Variants in SVEP1 observed in about 807,000 individuals in gnomAD.
SVEP1 encodes sushi, von Willebrand factor type A, EGF and pentraxin domain-containing protein 1.
Under a neutral mutation model 367.3 loss-of-function variants are expected in SVEP1, and 164 were observed. That is an observed-to-expected ratio of 0.45 (90% CI 0.39 to 0.51). The LOEUF is 0.51. SVEP1 is among the 20% of genes least tolerant of loss of function. The pLI is 0.00. For synonymous variants in SVEP1, 1,666 were observed against 1,611.6 expected (o/e 1.03, Z -0.81); for missense variants, 4,117 against 4,425.3 (o/e 0.93, Z 1.98).
intron 6 of SVEP1, among the ~76,000 whole-genome samples, chr9:110,500,968 C>T (rs1447185774): frequency 1.3e-5 from 2 of 151,364 alleles, no homozygotes; most frequent in African/African-American, 4.8e-5. Flanking sequence ...CCCTTTTAAG[C>T]TATTGAATGA....
chr9:110,408,869 A>G lies in SVEP1; in HGVS notation c.6731T>C (p.Val2244Ala). ...GYKSVGSPVFVCQANRHWHSE... is the reference protein window; with the variant it reads ...GYKSVGSPVFACQANRHWHSE... ...GTGCCAGTGGCGATTGGCTTGGCAG[A>G]CAAATACAGGACTTCCGACTGACTT... Residue 2244 changes from valine to alanine, a missense_variant, in exon 38 of 48, where the codon GTC becomes GCC. This residue lies in a region of SVEP1 where 1,765 missense variants were observed against 1,781.1 expected (regional missense o/e 0.99). Transcript: ENST00000374469. The G allele has an allele frequency of 6.2e-7, 1 of 1,613,678 alleles. No individual in the cohort carries two copies. The highest frequency in any genetic ancestry group is 8.5e-7 in the Non-Finnish European group (1 of 1,179,862).
chr9:110,423,924 T>C (rs1828213766), intron 36 of SVEP1, among the ~76,000 whole-genome samples: 1 of 152,228 alleles, frequency 6.6e-6, no homozygotes, highest in Non-Finnish European at 1.5e-5. Context: ...CTTAAAGTAA[T>C]TTCTGGGAAG....
intron 45 of SVEP1, among the ~76,000 whole-genome samples, chr9:110,375,892 CAG>C (rs1473162860): frequency 6.7e-6 from 1 of 148,710 alleles, no homozygotes; most frequent in Non-Finnish European, 1.5e-5. Context: ...GAATGGGAAT[CAG>C]ATAGGCTGTA....
chr9:110,435,881 G>GAAACTTATATTTTATAGATAAGA (rs1564142301), intron 28 of SVEP1, among the ~76,000 whole-genome samples: 1 of 152,126 alleles, frequency 6.6e-6, no homozygotes, highest in Admixed American at 6.5e-5. Flanking sequence ...TAAGAAAACT[G>GAAACTTATATTTTATAGATAAGA]AAACTCAGTG....
chr9:110,531,468 A>T (rs1830017158), intron 3 of SVEP1, among the ~76,000 whole-genome samples: 1 of 152,088 alleles, frequency 6.6e-6, no homozygotes, highest in Non-Finnish European at 1.5e-5. Context: ...GTGAGTTCTC[A>T]TGAGATCTGA....
chr9:110,500,756 T>C (rs577775376), intron 6 of SVEP1, among the ~76,000 whole-genome samples: 1 of 152,130 alleles, frequency 6.6e-6, no homozygotes, highest in East Asian at 1.9e-4. Flanking sequence ...ACTTCCTTAA[T>C]TGTAATCTGT....
At chr9:110,378,909 TAAAAA>T (rs35912753) in intron 44 of SVEP1, among the ~76,000 whole-genome samples, 1 of 145,478 alleles carries the variant, frequency 6.9e-6, no homozygotes, top group Non-Finnish European at 1.5e-5. Context: ...CTTAAAGTAT[TAAAAA>T]AAAAAAAAGT....
intron 20 of SVEP1, among the ~76,000 whole-genome samples, chr9:110,457,743 C>T (rs970415283): frequency 6.6e-6 from 1 of 152,154 alleles, no homozygotes; most frequent in Non-Finnish European, 1.5e-5. Flanking sequence ...ATGTGACAGC[C>T]ACTGCTTTAG....
At position 110,366,457 on chromosome 9, in the gene SVEP1, C is replaced by A; in HGVS notation, c.*82G>T. The A allele has an allele frequency of 7.1e-7, 1 of 1,399,070 alleles. No individual in the cohort carries two copies. Among genetic ancestry groups the A allele is most frequent in the Non-Finnish European group, 9.4e-7 (1 of 1,060,044 alleles). The allele number at this position is 1,399,070 out of a possible 1,614,324, so 86.7% of individuals were successfully genotyped here. On this transcript the variant is annotated 3_prime_UTR_variant, in exon 48 of 48. Transcript: ENST00000374469. ...AAGACCCAGCACCATGTTGGACTTT[C>A]TTTGCATAAGTTCCAGGATGCCCAG... is the stretch of plus-strand genomic sequence containing the variant.
In SVEP1 at chr9:110,529,419, G is replaced by A. The variant is rs141702815; in HGVS notation, c.965-15313C>T. 4.0e-3 allele frequency among the ~76,000 whole-genome samples: 615 copies of A among 152,114 alleles called. 1 individual carries two copies. The highest frequency in any genetic ancestry group is 0.014 in the African/African-American group (578 of 41,510). On this transcript the variant is annotated intron_variant, in intron 3 of 47. Coordinates refer to ENST00000374469, the MANE Select transcript of SVEP1 (RefSeq NM_153366.4). ...GAAAAATGACATTGTTATTTTGATA[G>A]GAATTGCATTGAATCTGTACATTAC...
At chr9:110,422,780 C>T (rs1157694632) in intron 36 of SVEP1, among the ~76,000 whole-genome samples, 1 of 109,072 alleles carries the variant, frequency 9.2e-6, no homozygotes, top group Non-Finnish European at 1.9e-5. Context: ...CCATGGAATA[C>T]TATGCAGCCA....
chr9:110,573,821 C>T (rs1328935887), intron 1 of SVEP1, among the ~76,000 whole-genome samples: 1 of 152,142 alleles, frequency 6.6e-6, no homozygotes, highest in African/African-American at 2.4e-5. Context: ...AGCTGAAGAG[C>T]TTTTCATTAA....
chr9:110,577,552 C>T (rs1830641253), intron 1 of SVEP1, among the ~76,000 whole-genome samples: 1 of 151,974 alleles, frequency 6.6e-6, no homozygotes, highest in African/African-American at 2.4e-5. Context: ...GAGAGCTATT[C>T]TAAAACTATG....
At chr9:110,557,316 C>T (rs1830368255) in intron 1 of SVEP1, among the ~76,000 whole-genome samples, 1 of 152,068 alleles carries the variant, frequency 6.6e-6, no homozygotes, top group African/African-American at 2.4e-5. Flanking sequence ...ATTTATTTTC[C>T]TTATTACAAT....
chr9:110,410,538 A>G (rs1828029045), intron 37 of SVEP1, among the ~76,000 whole-genome samples: 1 of 152,222 alleles, frequency 6.6e-6, no homozygotes. Flanking sequence ...CCTCTGTAAA[A>G]CAAAATATTA....
At chr9:110,568,167 A>G (rs1220302965) in intron 1 of SVEP1, among the ~76,000 whole-genome samples, 2 of 152,190 alleles carry the variant, frequency 1.3e-5, no homozygotes, top group Admixed American at 6.5e-5. Context: ...TTACACTACA[A>G]ACTTCATCTT....
chr9:110,379,830 T>G (rs1194015015), intron 43 of SVEP1, among the ~76,000 whole-genome samples: 1 of 152,206 alleles, frequency 6.6e-6, no homozygotes, highest in Non-Finnish European at 1.5e-5. Flanking sequence ...TGCAAGAGAC[T>G]TTCAAAACAG....
At chr9:110,501,550 A>G (rs1829530042) in intron 6 of SVEP1, among the ~76,000 whole-genome samples, 1 of 152,110 alleles carries the variant, frequency 6.6e-6, no homozygotes, top group South Asian at 2.1e-4. Context: ...ATGATTTTCA[A>G]TCCCAATATC....
At position 110,536,206 on chromosome 9, in the gene SVEP1, T is replaced by C. The variant is rs1421484339; in HGVS notation, c.964+9909A>G. Among the ~76,000 whole-genome samples the C allele has an allele frequency of 2.0e-5, 3 of 152,128 alleles. No homozygotes were observed. In the East Asian group the frequency reaches 5.8e-4, roughly 29 times the overall value. ...AAAGCCATTTCTGCATCTATTGAGA[T>C]AATCATGTGGTTTTTGTCTTTAATT... On this transcript the variant is annotated intron_variant, in intron 3 of 47. Coordinates refer to ENST00000374469, the MANE Select transcript of SVEP1 (RefSeq NM_153366.4).
Sources: gnomAD v4.1 joint callset for allele counts (sites outside exome capture counted in the v4.1 genomes callset) on GRCh38, gnomAD v4.1.1 for gene constraint, gnomAD v4.1.1 regional missense constraint, MANE v1.5 for transcripts, NCBI Gene and HGNC (gene_info 2026-07-23, HGNC 2026-07-21) for gene names.